WASF3: variants seen among roughly 807,000 people sequenced by gnomAD.
WASF3 encodes actin-binding protein WASF3.
A neutral mutation model predicts 46.6 loss-of-function variants in WASF3; 11 were observed. That is an observed-to-expected ratio of 0.24 (90% CI 0.15 to 0.39). The LOEUF (loss-of-function observed/expected upper bound fraction) is 0.39. Ranked by LOEUF, WASF3 falls within the 10% of genes least tolerant of loss-of-function variation. WASF3 has a pLI of 1.00. For synonymous variants in WASF3, 242 were observed against 259.7 expected, an observed-to-expected ratio of 0.93 and a Z score of 0.65; for missense variants, 576 against 669.8, an observed-to-expected ratio of 0.86 and a Z score of 1.55.
chr13:26,545,880 G>A, the WASF3 span, among the ~76,000 whole-genome samples: 1,626 of 152,202 alleles, frequency 0.011, 26 homozygotes, highest in African/African-American at 0.037. Flanking sequence ...CTGAGATTAC[G>A]GACATAAGCC....
At chr13:26,643,011 A>G (rs1882045650) in intron 3 of WASF3, among the ~76,000 whole-genome samples, 1 of 152,236 alleles carries the variant, frequency 6.6e-6, no homozygotes, top group Non-Finnish European at 1.5e-5. Context: ...GCATAGATGT[A>G]TGGCAAATGC....
At chr13:26,592,221 A>G (rs1566044411) in intron 1 of WASF3, among the ~76,000 whole-genome samples, 1 of 152,172 alleles carries the variant, frequency 6.6e-6, no homozygotes, top group Non-Finnish European at 1.5e-5. Flanking sequence ...CTTTTTAAGA[A>G]GCATGTGATT....
chr13:26,639,658 C>T (rs945008126), intron 2 of WASF3: 5 of 152,058 alleles, frequency 3.3e-5, no homozygotes, highest in African/African-American at 9.7e-5. Flanking sequence ...CTCAGAGCTC[C>T]CTGTTGCTCT....
the WASF3 span, among the ~76,000 whole-genome samples, chr13:26,546,704 T>G: frequency 1.3e-5 from 2 of 152,048 alleles, no homozygotes; most frequent in South Asian, 4.2e-4. Flanking sequence ...AGAGCAAGAC[T>G]CCATCTCAAA....
intron 1 of WASF3, among the ~76,000 whole-genome samples, chr13:26,563,155 G>A (rs12865713): frequency 0.18 from 27,001 of 151,488 alleles, 2,808 homozygotes; most frequent in East Asian, 0.26. Context: ...TCTCCTGTCA[G>A]TGTTTTTTCT....
At chr13:26,653,989 C>G (rs1253566116) in intron 3 of WASF3, among the ~76,000 whole-genome samples, 1 of 152,164 alleles carries the variant, frequency 6.6e-6, no homozygotes, top group Non-Finnish European at 1.5e-5. Context: ...TTCTTTCTCT[C>G]CTATCAGAGA....
chr13:26,677,095 T>G (rs1883088910), intron 7 of WASF3, among the ~76,000 whole-genome samples: 1 of 152,246 alleles, frequency 6.6e-6, no homozygotes, highest in African/African-American at 2.4e-5. Context: ...TGCCACTTGG[T>G]ATCTAAAAAT....
chr13:26,681,519 A>T (rs531999476), intron 8 of WASF3, among the ~76,000 whole-genome samples, 199 bp downstream of exon 8: 1 of 152,212 alleles, frequency 6.6e-6, no homozygotes, highest in South Asian at 2.1e-4. Flanking sequence ...GTTGAGTCTC[A>T]GGCCACACTG....
intron 1 of WASF3, among the ~76,000 whole-genome samples, chr13:26,559,525 T>G (rs372600452): frequency 6.6e-6 from 1 of 152,170 alleles, no homozygotes; most frequent in Non-Finnish European, 1.5e-5. Context: ...TAACCTCCTA[T>G]CTCTTGTCAG....
At chr13:26,616,853 G>A (rs1881149423) in intron 2 of WASF3, among the ~76,000 whole-genome samples, 1 of 152,124 alleles carries the variant, frequency 6.6e-6, no homozygotes, top group Admixed American at 6.5e-5. Context: ...TTGACTCGTT[G>A]TCCCTGGGGT....
Position 26,687,858 on chromosome 13 carries a change from C to A in WASF3, c.*2013C>A, listed in dbSNP as rs1883461067. 6.6e-6 allele frequency: 1 copy of A among 151,974 alleles called. No homozygotes were observed. The highest frequency in any genetic ancestry group is 1.5e-5 in the Non-Finnish European group (1 of 68,020). The allele number at this position is 151,974 out of a possible 1,614,324, so 9.4% of individuals were successfully genotyped here. ...GAGTTCCCCGTGTGGGTCTAGAACTCCCCTTTGGTAATGCTTCTTTGTTTT... is the reference window on the plus strand; with the variant it reads ...GAGTTCCCCGTGTGGGTCTAGAACTACCCTTTGGTAATGCTTCTTTGTTTT... On this transcript the variant is annotated 3_prime_UTR_variant, in exon 10 of 10. Transcript: ENST00000335327.
intron 3 of WASF3, among the ~76,000 whole-genome samples, chr13:26,654,176 A>G (rs1367049040): frequency 2.0e-5 from 3 of 151,904 alleles, no homozygotes; most frequent in East Asian, 1.9e-4. Context: ...AAGGGCATCT[A>G]TTTCTCTGTC....
intron 2 of WASF3, chr13:26,618,905 G>A (rs759127507): frequency 6.6e-6 from 1 of 152,126 alleles, no homozygotes; most frequent in African/African-American, 2.4e-5. Context: ...CACACATCTC[G>A]TGGCCACAGT....
At chr13:26,586,744 T>G (rs748082946) in intron 1 of WASF3, among the ~76,000 whole-genome samples, 5 of 152,222 alleles carry the variant, frequency 3.3e-5, no homozygotes, top group Middle Eastern at 3.4e-3. Context: ...TTTTAGACCT[T>G]ATTCTGACAT....
Position 26,682,888 on chromosome 13 carries a change from C to T in WASF3, c.1265C>T (p.Pro422Leu). 2 of 1,612,040 alleles carry T rather than the reference C, an allele frequency of 1.2e-6. No homozygotes were observed. Among genetic ancestry groups the T allele is most frequent in the South Asian group, 1.1e-5 (1 of 91,068 alleles). The change falls in exon 9 of 10, where the codon CCC (proline) becomes CTC (leucine). Residue 422 changes from proline to leucine, a missense_variant. Around this residue, in one of 3 missense-constraint regions of WASF3, gnomAD observed 295 missense variants for 291.5 expected, o/e 1.01. Coordinates refer to ENST00000335327, the MANE Select transcript of WASF3 (RefSeq NM_006646.6). The surrounding 1 kb of genome is among the most constrained non-coding windows in gnomAD (Gnocchi z 4.4). ...CTTTCGTCCTCCCCAATGCATGGCCCCCCAGTAGCTGAGGCGAAGCGGCAA... is the reference window on the plus strand; with the variant it reads ...CTTTCGTCCTCCCCAATGCATGGCCTCCCAGTAGCTGAGGCGAAGCGGCAA... Reference protein sequence around the residue: ...SSLSSSPMHGPPVAEAKRQEP... With the variant: ...SSLSSSPMHGLPVAEAKRQEP...
intron 1 of WASF3, among the ~76,000 whole-genome samples, chr13:26,597,776 C>T (rs959947058): frequency 6.6e-6 from 1 of 152,154 alleles, no homozygotes; most frequent in Non-Finnish European, 1.5e-5. Flanking sequence ...TCATCCATGT[C>T]CCTACAAAGG....
chr13:26,539,627 C>G, the WASF3 span, among the ~76,000 whole-genome samples: 166 of 152,156 alleles, frequency 1.1e-3, no homozygotes, highest in East Asian at 8.3e-3. Flanking sequence ...TAGAACTAAC[C>G]ACTGCTGTAG....
intron 1 of WASF3, among the ~76,000 whole-genome samples, chr13:26,582,363 C>A (rs1880005785): frequency 6.6e-6 from 1 of 151,898 alleles, no homozygotes; most frequent in Non-Finnish European, 1.5e-5. Context: ...CTTCTGTGAT[C>A]CTTGATTTCC....
At position 26,671,988 on chromosome 13, in the gene WASF3, AG is replaced by A; in HGVS notation, c.540+1del. 6.3e-7 allele frequency: 1 copy of A among 1,593,788 alleles called. No individual in the cohort carries two copies. Among genetic ancestry groups the A allele is most frequent in the Non-Finnish European group, 8.6e-7 (1 of 1,166,644 alleles). On this transcript the variant is annotated frameshift_variant and splice_region_variant, in exon 6 of 10. Transcript: ENST00000335327. LOFTEE classifies it high-confidence loss of function. ...AAAAGGAAAGAGAAAAGGCGTCAAA[AG>A]GTAAATAATTTCAGTATGGGAAATG... ...EDKRKEKRRQ[K>X]EQKRIDGTTR...
Sources: gnomAD v4.1 joint callset for allele counts (sites outside exome capture counted in the v4.1 genomes callset) on GRCh38, gnomAD v4.1.1 for gene constraint, gnomAD v4.1.1 regional missense constraint, Gnocchi (gnomAD v3.1) non-coding constraint, MANE v1.5 for transcripts, NCBI Gene and HGNC (gene_info 2026-07-23, HGNC 2026-07-21) for gene names.